RALYL: variants seen among roughly 807,000 people sequenced by gnomAD.
The protein encoded by RALYL is RNA-binding Raly-like protein.
Under a neutral mutation model 35.1 loss-of-function variants are expected in RALYL, and 29 were observed. The observed-to-expected ratio is 0.83, with a 90% CI of 0.61 to 1.13. The LOEUF (loss-of-function observed/expected upper bound fraction) is 1.13, where lower values mean the gene tolerates loss of function less well. Ranked by LOEUF, RALYL falls within the 50% of genes most tolerant of loss-of-function variation. RALYL has a pLI of 0.00. For synonymous variants in RALYL, 120 were observed against 127.6 expected, an observed-to-expected ratio of 0.94 and a Z score of 0.40; for missense variants, 359 against 360.4, an observed-to-expected ratio of 1.00 and a Z score of 0.03.
intron 2 of RALYL, among the ~76,000 whole-genome samples, chr8:84,745,141 A>G (rs181397372): frequency 1.6e-3 from 250 of 151,708 alleles, no homozygotes; most frequent in African/African-American, 5.7e-3. Context: ...TGGTCCATCC[A>G]TATCTAGTGT....
At chr8:84,287,197 T>G (rs1371644093) in intron 1 of RALYL, among the ~76,000 whole-genome samples, 1 of 152,130 alleles carries the variant, frequency 6.6e-6, no homozygotes, top group Non-Finnish European at 1.5e-5. Flanking sequence ...AAGAGGGATC[T>G]CCATTCCATC....
intron 2 of RALYL, among the ~76,000 whole-genome samples, chr8:84,667,151 C>T (rs1215065498): frequency 1.3e-5 from 2 of 151,874 alleles, no homozygotes; most frequent in African/African-American, 4.8e-5. Flanking sequence ...GGATTTTTTG[C>T]TTATTTTGAC....
intron 2 of RALYL, among the ~76,000 whole-genome samples, chr8:84,595,599 T>C (rs1354368544): frequency 6.6e-6 from 1 of 152,080 alleles, no homozygotes; most frequent in African/African-American, 2.4e-5. Flanking sequence ...AATCTTAATG[T>C]TAAACAAAAT....
At chr8:84,470,587 T>C (rs1046132763) in intron 1 of RALYL, among the ~76,000 whole-genome samples, 1 of 152,158 alleles carries the variant, frequency 6.6e-6, no homozygotes, top group Non-Finnish European at 1.5e-5. Flanking sequence ...GGCAATTTGA[T>C]GTTTTACTGA....
intron 1 of RALYL, among the ~76,000 whole-genome samples, chr8:84,286,203 C>T (rs981233371): frequency 2.0e-5 from 3 of 152,124 alleles, no homozygotes; most frequent in Admixed American, 1.3e-4. Flanking sequence ...GCTGGGATTA[C>T]AGGCATGAGC....
At chr8:84,357,544 T>G (rs1019244132) in intron 1 of RALYL, among the ~76,000 whole-genome samples, 1 of 151,948 alleles carries the variant, frequency 6.6e-6, no homozygotes, top group Admixed American at 6.6e-5. Context: ...GGGAAATGTA[T>G]GCTAGTGATT....
chr8:84,490,246 A>C (rs1038274712), intron 1 of RALYL, among the ~76,000 whole-genome samples: 1 of 151,962 alleles, frequency 6.6e-6, no homozygotes, highest in African/African-American at 2.4e-5. Context: ...AAAATTTTCT[A>C]AATTTGCCTT....
chr8:84,906,931 G>A (rs1846602141), intron 8 of RALYL: 1 of 984,832 alleles, frequency 1.0e-6, no homozygotes. Flanking sequence ...TCTTTAGAAT[G>A]TCTCTGAATA....
chr8:84,761,520 TATAATTTTA>T (rs1203336648), intron 2 of RALYL, among the ~76,000 whole-genome samples: 1 of 152,100 alleles, frequency 6.6e-6, no homozygotes, highest in Non-Finnish European at 1.5e-5. Context: ...TTTGAAATTA[TATAATTTTA>T]ATAATTTTAA....
chr8:84,915,486 G>A (rs938093595), intron 8 of RALYL, among the ~76,000 whole-genome samples: 4 of 151,978 alleles, frequency 2.6e-5, no homozygotes, highest in Non-Finnish European at 4.4e-5. Flanking sequence ...TTAATAAATA[G>A]TTCAGTCATT....
chr8:84,215,284 G>T (rs1484260196), intron 1 of RALYL, among the ~76,000 whole-genome samples: 1 of 151,926 alleles, frequency 6.6e-6, no homozygotes, highest in African/African-American at 2.4e-5. Context: ...AATGATTTTT[G>T]ACATATAAAA....
At chr8:84,459,006 A>G (rs1314780544) in intron 1 of RALYL, among the ~76,000 whole-genome samples, 2 of 151,750 alleles carry the variant, frequency 1.3e-5, no homozygotes, top group Non-Finnish European at 3.0e-5. Context: ...TTTTGATTAT[A>G]TTTTAAAATT....
chr8:84,907,256 T>C (rs1235305506), intron 8 of RALYL, among the ~76,000 whole-genome samples: 2 of 151,488 alleles, frequency 1.3e-5, no homozygotes, highest in Non-Finnish European at 2.9e-5. Flanking sequence ...TTCAAAAATG[T>C]GGAAAACAGC....
At chr8:84,302,452 T>C (rs1180960606) in intron 1 of RALYL, among the ~76,000 whole-genome samples, 1 of 152,200 alleles carries the variant, frequency 6.6e-6, no homozygotes, top group Non-Finnish European at 1.5e-5. Context: ...TTCTGATTTC[T>C]GAAAACCTCA....
intron 2 of RALYL, among the ~76,000 whole-genome samples, chr8:84,657,282 G>C (rs1022362523): frequency 6.6e-6 from 1 of 152,118 alleles, no homozygotes; most frequent in African/African-American, 2.4e-5. Flanking sequence ...TGCTTGTTTA[G>C]TATTTGTCCA....
At chr8:84,236,495 T>C (rs1826584304) in intron 1 of RALYL, among the ~76,000 whole-genome samples, 1 of 152,142 alleles carries the variant, frequency 6.6e-6, no homozygotes, top group Admixed American at 6.5e-5. Context: ...AATCTGCCCA[T>C]ATGATAGGCA....
chr8:84,370,189 A>G lies in RALYL; in HGVS notation c.-23-159110A>G, dbSNP rs76489190. On this transcript the variant is annotated intron_variant, in intron 1 of 8. Transcript: ENST00000521268. ...ATAACCAGTATTTCTTCCAGTGAGC[A>G]TTGAAGAATTAAGCTGTAAAAGACA... 9.5e-3 allele frequency among the ~76,000 whole-genome samples: 1,440 copies of G among 152,166 alleles called. 12 individuals are homozygous for G. Among genetic ancestry groups the G allele is most frequent in the Non-Finnish European group, 0.014 (957 of 68,008 alleles).
intron 2 of RALYL, among the ~76,000 whole-genome samples, chr8:84,698,728 G>A (rs1589078985): frequency 6.6e-6 from 1 of 152,104 alleles, no homozygotes; most frequent in South Asian, 2.1e-4. Flanking sequence ...GACTAAGATA[G>A]AATCAGCCAG....
intron 1 of RALYL, among the ~76,000 whole-genome samples, chr8:84,253,872 C>A (rs1830715186): frequency 6.6e-6 from 1 of 152,170 alleles, no homozygotes; most frequent in Non-Finnish European, 1.5e-5. Context: ...TACTGCCAAT[C>A]TCTTATTCCA....
Sources: allele counts gnomAD v4.1 joint callset (sites outside exome capture counted in the v4.1 genomes callset), GRCh38; gene constraint gnomAD v4.1.1; transcripts MANE v1.5; gene names NCBI Gene and HGNC (gene_info 2026-07-23, HGNC 2026-07-21).